Variants in SPAG16 observed in about 807,000 individuals in gnomAD.
SPAG16 encodes the protein sperm associated antigen 16.
SPAG16 carries 86 observed loss-of-function variants against 80.4 expected under a neutral mutation model. That is an observed-to-expected ratio of 1.07 (90% confidence interval 0.90 to 1.28). The LOEUF (loss-of-function observed/expected upper bound fraction) is 1.28. SPAG16 is among the 50% of genes most tolerant of loss of function. The pLI is 0.00. For missense variants in SPAG16, 870 were observed against 765.3 expected, an observed-to-expected ratio of 1.14 and a Z score of -1.61; for synonymous variants, 294 against 265.9, an observed-to-expected ratio of 1.11 and a Z score of -1.03.
intron 8 of SPAG16, among the ~76,000 whole-genome samples, chr2:213,368,170 A>G (rs1210803375): frequency 8.5e-5 from 13 of 152,272 alleles, no homozygotes; most frequent in African/African-American, 2.7e-4. Context: ...TACCAGTACC[A>G]TGCTGTTTTG....
chr2:214,087,930 G>C (rs1474923019), intron 13 of SPAG16, among the ~76,000 whole-genome samples: 1 of 151,178 alleles, frequency 6.6e-6, no homozygotes, highest in Non-Finnish European at 1.5e-5. Context: ...GCACAAATTA[G>C]AAAAATAAAT....
chr2:213,889,323 AT>A (rs1352803211), intron 11 of SPAG16, among the ~76,000 whole-genome samples: 1 of 151,946 alleles, frequency 6.6e-6, no homozygotes, highest in African/African-American at 2.4e-5. Context: ...TTCTCAATAT[AT>A]TTTACCAGGC....
rs184540535 is a variant in SPAG16 at position 214,103,575 on chromosome 2, A to G, written c.1528-4621A>G. On this transcript the variant is annotated intron_variant, in intron 13 of 15. Coordinates refer to ENST00000331683, the MANE Select transcript of SPAG16 (RefSeq NM_024532.5). ...GAAGGATAAGGACATGTGTATATCTAGATGAGAACATCTGCAATAAAGGAA... is the reference window on the plus strand; with the variant it reads ...GAAGGATAAGGACATGTGTATATCTGGATGAGAACATCTGCAATAAAGGAA... 5.9e-5 allele frequency among the ~76,000 whole-genome samples: 9 copies of G among 152,344 alleles called. No individual in the cohort carries two copies. The South Asian group carries it at 1.2e-3, about 21-fold the overall frequency.
At chr2:213,746,937 C>T (rs1227744199) in intron 10 of SPAG16, among the ~76,000 whole-genome samples, 2 of 152,232 alleles carry the variant, frequency 1.3e-5, no homozygotes, top group East Asian at 3.9e-4. Flanking sequence ...AGAGTGTACT[C>T]CTTCTACTTA....
chr2:214,284,835 A>C (rs1022567299), intron 15 of SPAG16, among the ~76,000 whole-genome samples: 2 of 141,458 alleles, frequency 1.4e-5, no homozygotes, highest in East Asian at 2.1e-4. Flanking sequence ...GTGTGTGTGC[A>C]TATGTATTTG....
At chr2:213,490,424 A>G (rs577675924) in intron 10 of SPAG16, among the ~76,000 whole-genome samples, 19 of 152,206 alleles carry the variant, frequency 1.2e-4, no homozygotes, top group Non-Finnish European at 2.2e-4. Context: ...TTACTCACCA[A>G]TTTTACCAAT....
rs755677232 is a variant in SPAG16, at chr2:213,284,620, G to A, written c.136+1G>A. ...GCTGAGGGCGCCTACTACCTGGAACGTATCCTTCCCGTGGAGGCGCGGCCC... is the reference window on the plus strand; with the variant it reads ...GCTGAGGGCGCCTACTACCTGGAACATATCCTTCCCGTGGAGGCGCGGCCC... On this transcript the variant is annotated splice_donor_variant, in intron 1 of 15. Transcript: ENST00000331683. LOFTEE classifies it high-confidence loss of function. 3 of 1,606,788 alleles carry A rather than the reference G, an allele frequency of 1.9e-6. No individual in the cohort carries two copies. Among genetic ancestry groups the A allele is most frequent in the African/African-American group, 2.7e-5 (2 of 74,940 alleles).
chr2:214,354,118 A>G, intron 15 of SPAG16, among the ~76,000 whole-genome samples: 1 of 25,006 alleles, frequency 4.0e-5, no homozygotes, highest in East Asian at 1.4e-3. Context: ...ATATATACCT[A>G]CTATGTACCC....
chr2:213,416,206 A>T (rs753742181), intron 9 of SPAG16, among the ~76,000 whole-genome samples: 26 of 152,224 alleles, frequency 1.7e-4, no homozygotes, highest in Non-Finnish European at 3.5e-4. Flanking sequence ...TGAATAGATC[A>T]TACTTCCAAA....
intron 10 of SPAG16, among the ~76,000 whole-genome samples, chr2:213,684,007 A>G (rs2064527428): frequency 6.6e-6 from 1 of 152,196 alleles, no homozygotes. Context: ...AATTTTGTGG[A>G]TTAGTAAGTA....
At chr2:214,233,179 A>G (rs146613207) in intron 15 of SPAG16, among the ~76,000 whole-genome samples, 85 of 152,166 alleles carry the variant, frequency 5.6e-4, no homozygotes, top group African/African-American at 1.7e-3. Context: ...GAGGGAGAAC[A>G]GCCCCTGGAA....
chr2:214,175,835 A>G (rs1227281360), intron 15 of SPAG16, among the ~76,000 whole-genome samples: 3 of 151,500 alleles, frequency 2.0e-5, no homozygotes, highest in Non-Finnish European at 4.4e-5. Flanking sequence ...CCTTGAATAA[A>G]ATTTTGAATC....
chr2:213,318,690 G>C (rs1421575384), intron 5 of SPAG16, among the ~76,000 whole-genome samples: 1 of 151,734 alleles, frequency 6.6e-6, no homozygotes, highest in African/African-American at 2.4e-5. Context: ...TCACCACCCA[G>C]GGCCAACCAC....
intron 15 of SPAG16, among the ~76,000 whole-genome samples, chr2:214,150,981 CAGT>C (rs1361159316): frequency 6.6e-6 from 1 of 151,962 alleles, no homozygotes; most frequent in East Asian, 1.9e-4. Flanking sequence ...TAAGAATCAG[CAGT>C]AGAACAGCAA....
chr2:214,033,110 A>G (rs2048504757), intron 13 of SPAG16, among the ~76,000 whole-genome samples: 1 of 152,236 alleles, frequency 6.6e-6, no homozygotes, highest in African/African-American at 2.4e-5. Context: ...TGGTCAAAGC[A>G]GAGGGAACCA....
intron 6 of SPAG16, among the ~76,000 whole-genome samples, chr2:213,346,006 C>G (rs1394202014): frequency 6.6e-6 from 1 of 152,074 alleles, no homozygotes; most frequent in East Asian, 1.9e-4. Flanking sequence ...ATTCTTCCTA[C>G]CCATGAGCAT....
At chr2:213,935,468 C>T (rs1382068311) in intron 12 of SPAG16, among the ~76,000 whole-genome samples, 2 of 152,168 alleles carry the variant, frequency 1.3e-5, no homozygotes, top group South Asian at 2.1e-4. Flanking sequence ...CTTGCCCCTT[C>T]TTTCTTCCCA....
intron 10 of SPAG16, among the ~76,000 whole-genome samples, chr2:213,532,679 T>C (rs529071770): frequency 1.9e-4 from 29 of 151,026 alleles, no homozygotes; most frequent in African/African-American, 5.9e-4. Context: ...TCCAGGCTGA[T>C]CTCGAACTCC....
chr2:214,286,762 A>C lies in SPAG16; in HGVS notation c.1721-123378A>C, dbSNP rs547852413. ...ACTGTGTCTCAAAAATAAACAAATA[A>C]ATAAATAAAATAAAAAATAACAGTG... On this transcript the variant is annotated intron_variant, in intron 15 of 15. Transcript: ENST00000331683. Among the ~76,000 whole-genome samples, 4 of 152,262 alleles carry C rather than the reference A, an allele frequency of 2.6e-5. No individual in the cohort carries two copies. The South Asian group carries it at 8.3e-4, about 32-fold the overall frequency.
Sources: gnomAD v4.1 joint callset for allele counts (sites outside exome capture counted in the v4.1 genomes callset) on GRCh38, gnomAD v4.1.1 for gene constraint, MANE v1.5 for transcripts, NCBI Gene and HGNC (gene_info 2026-07-23, HGNC 2026-07-21) for gene names.